FILIP1L: variants seen among roughly 807,000 people sequenced by gnomAD.
FILIP1L encodes the protein filamin A-interacting protein 1-like.
A neutral mutation model predicts 96.6 loss-of-function variants in FILIP1L; 55 were observed. The observed-to-expected ratio is 0.57, with a 90% CI of 0.46 to 0.71. The LOEUF (loss-of-function observed/expected upper bound fraction) is 0.71. Among genes scored for constraint, FILIP1L ranks in the 30% least tolerant of loss-of-function variants. The pLI, the probability that FILIP1L is intolerant of heterozygous loss-of-function variation, is 0.00. For synonymous variants in FILIP1L, 467 were observed against 473.9 expected, an observed-to-expected ratio of 0.99 and a Z score of 0.19; for missense variants, 1,304 against 1,321.2, an observed-to-expected ratio of 0.99 and a Z score of 0.20.
chr3:99,961,754 T>G (rs967408247), intron 1 of FILIP1L, among the ~76,000 whole-genome samples: 1 of 152,206 alleles, frequency 6.6e-6, no homozygotes, highest in African/African-American at 2.4e-5. Context: ...TGTAGATATT[T>G]AAAGATAATG....
intron 1 of FILIP1L, among the ~76,000 whole-genome samples, chr3:99,961,815 G>A (rs1009467810): frequency 1.3e-5 from 2 of 152,180 alleles, no homozygotes; most frequent in African/African-American, 4.8e-5. Context: ...CTTTAGGTCT[G>A]CCAACCTATT....
At chr3:99,920,103 G>T (rs942802340) in intron 4 of FILIP1L, among the ~76,000 whole-genome samples, 20 of 152,118 alleles carry the variant, frequency 1.3e-4, no homozygotes, top group Non-Finnish European at 1.5e-5. Flanking sequence ...ACAATCCATG[G>T]TTGAAGCCAC....
At chr3:99,969,326 T>G (rs1451248139) in intron 1 of FILIP1L, among the ~76,000 whole-genome samples, 1 of 152,156 alleles carries the variant, frequency 6.6e-6, no homozygotes, top group Non-Finnish European at 1.5e-5. Flanking sequence ...ATATGACAGT[T>G]TGGTAACATT....
intron 1 of FILIP1L, among the ~76,000 whole-genome samples, chr3:100,108,251 G>A (rs1327137936): frequency 6.6e-6 from 1 of 152,094 alleles, no homozygotes; most frequent in Non-Finnish European, 1.5e-5. Flanking sequence ...CTTTCAGAAG[G>A]AACTGACCAC....
intron 1 of FILIP1L, among the ~76,000 whole-genome samples, chr3:100,058,304 A>T (rs35074168): frequency 0.053 from 8,149 of 152,340 alleles, 322 homozygotes; most frequent in Middle Eastern, 0.085. Flanking sequence ...AGAAACTGTG[A>T]TAAGCTCCTA....
At chr3:99,879,535 T>G (rs1361666510) in intron 4 of FILIP1L, among the ~76,000 whole-genome samples, 1 of 152,228 alleles carries the variant, frequency 6.6e-6, no homozygotes, top group East Asian at 1.9e-4. Context: ...CTCCCTGCCT[T>G]TGTTTCTTCT....
At chr3:99,881,534 TCTC>T (rs1261389183) in intron 4 of FILIP1L, among the ~76,000 whole-genome samples, 1 of 149,516 alleles carries the variant, frequency 6.7e-6, no homozygotes, top group African/African-American at 2.5e-5. Context: ...CATCTCTCTC[TCTC>T]TTTTTTTTTT....
chr3:100,033,146 G>T (rs1455727934), intron 1 of FILIP1L, among the ~76,000 whole-genome samples: 1 of 152,012 alleles, frequency 6.6e-6, no homozygotes, highest in Admixed American at 6.6e-5. Context: ...TTACTCTGTG[G>T]TTACTGTATG....
chr3:100,107,259 A>G (rs1263035514), intron 1 of FILIP1L, among the ~76,000 whole-genome samples: 2 of 152,210 alleles, frequency 1.3e-5, no homozygotes, highest in Non-Finnish European at 2.9e-5. Flanking sequence ...TAATAATAGA[A>G]TTCTATGCTG....
At chr3:99,857,406 G>A (rs933048973) in intron 4 of FILIP1L, among the ~76,000 whole-genome samples, 3 of 152,162 alleles carry the variant, frequency 2.0e-5, no homozygotes, top group Non-Finnish European at 2.9e-5. Flanking sequence ...AACAGGGTTA[G>A]GTGGTAAACG....
intron 1 of FILIP1L, among the ~76,000 whole-genome samples, chr3:100,031,679 T>G (rs2065024793): frequency 6.6e-6 from 1 of 152,098 alleles, no homozygotes; most frequent in Non-Finnish European, 1.5e-5. Context: ...AAGCCAATTT[T>G]CCTTCTAAGG....
chr3:99,955,555 A>T (rs1708297454), intron 1 of FILIP1L, among the ~76,000 whole-genome samples: 1 of 152,174 alleles, frequency 6.6e-6, no homozygotes, highest in African/African-American at 2.4e-5. Flanking sequence ...GAGAACTCTA[A>T]CAAGATATAC....
intron 1 of FILIP1L, among the ~76,000 whole-genome samples, chr3:100,058,207 A>C (rs1247998500): frequency 2.0e-5 from 3 of 152,214 alleles, no homozygotes; most frequent in Non-Finnish European, 4.4e-5. Context: ...ATTACTCTCT[A>C]TACCCTACTG....
At chr3:99,868,415 G>A (rs191585242) in intron 4 of FILIP1L, among the ~76,000 whole-genome samples, 1 of 152,282 alleles carries the variant, frequency 6.6e-6, no homozygotes, top group East Asian at 1.9e-4. Context: ...TTTGGCCTGA[G>A]ACAGCCCCCT....
intron 1 of FILIP1L, among the ~76,000 whole-genome samples, chr3:99,989,402 CTAGTATCT>C (rs1709446365): frequency 6.6e-6 from 1 of 152,140 alleles, no homozygotes; most frequent in Non-Finnish European, 1.5e-5. Flanking sequence ...ACTTCCCATT[CTAGTATCT>C]AATAACCCAA....
Position 99,849,579 on chromosome 3 carries a change from T to C in FILIP1L, c.2097A>G (p.Gln699=), listed in dbSNP as rs1357617475. Residue 699 remains glutamine (Q), a synonymous_variant, in exon 5 of 6, where the codon CAA becomes CAG. Transcript: ENST00000477258. ...CTTCTTGAAGCCTTTTGAAAAGCCATTGTTCATGGCTGGTCTCTGTCTTTT... is the reference window on the plus strand; with the variant it reads ...CTTCTTGAAGCCTTTTGAAAAGCCACTGTTCATGGCTGGTCTCTGTCTTTT... The part of the protein sequence containing the change: ...LAEKTETSHE[Q]WLFKRLQEEE... 2 of 1,613,680 alleles carry C rather than the reference T, an allele frequency of 1.2e-6. No individual in the cohort carries two copies. Among genetic ancestry groups the C allele is most frequent in the Non-Finnish European group, 1.7e-6 (2 of 1,179,994 alleles).
chr3:99,904,743 T>G (rs1576561795), intron 4 of FILIP1L, among the ~76,000 whole-genome samples: 1 of 152,308 alleles, frequency 6.6e-6, no homozygotes, highest in Middle Eastern at 3.4e-3. Flanking sequence ...CCCACTTCTC[T>G]TCTGCGAGAC....
At position 99,929,921 on chromosome 3, in the gene FILIP1L, T is replaced by C; in HGVS notation, c.361A>G (p.Arg121Gly). ...TPKKVLEALQRDAFQAKSTPW... is the reference protein window; with the variant it reads ...TPKKVLEALQGDAFQAKSTPW... ...GTAGATTTCGCTTGAAAAGCATCTC[T>C]CTGGAGAGCCTCTAACACCTTTTTT... The change falls in exon 3 of 6, where the codon AGA (arginine) becomes GGA (glycine). Residue 121 changes from arginine to glycine, a missense_variant. Coordinates refer to ENST00000477258, the MANE Select transcript of FILIP1L (RefSeq NM_001387850.1). 3 of 1,614,058 alleles carry C rather than the reference T, an allele frequency of 1.9e-6. No individual in the cohort carries two copies. Among genetic ancestry groups the C allele is most frequent in the Non-Finnish European group, 2.5e-6 (3 of 1,179,996 alleles).
chr3:99,848,588 C>T lies in FILIP1L; in HGVS notation c.3088G>A (p.Ala1030Thr), dbSNP rs758837225. Residue 1030 changes from alanine to threonine, a missense_variant, in exon 5 of 6, where the codon GCG becomes ACG. Physicochemically the swap from Ala to Thr is moderately conservative, Grantham distance 58. Coordinates refer to ENST00000477258, the MANE Select transcript of FILIP1L (RefSeq NM_001387850.1). ...PEPTEISAKH[A>T]IFRVSPDRQS... ...CGGTCTGGGGAGACTCTGAATATCG[C>T]ATGCTTGGCACTGATTTCTGTTGGT... 6.2e-7 allele frequency: 1 copy of T among 1,614,068 alleles called. No homozygotes were observed. The highest frequency in any genetic ancestry group is 1.3e-5 in the African/African-American group (1 of 74,912).
Sources: allele counts gnomAD v4.1 joint callset (sites outside exome capture counted in the v4.1 genomes callset), GRCh38; gene constraint gnomAD v4.1.1; transcripts MANE v1.5; gene names NCBI Gene and HGNC (gene_info 2026-07-23, HGNC 2026-07-21).